The following PRKCH variants were observed in gnomAD, a reference collection of about 807,000 sequenced individuals.
PRKCH encodes the protein protein kinase C eta type.
PRKCH carries 28 observed loss-of-function variants against 82.5 expected under a neutral mutation model. The observed-to-expected ratio is 0.34, with a 90% CI of 0.25 to 0.47. The LOEUF is 0.47. Ranked by LOEUF, PRKCH falls within the 20% of genes least tolerant of loss-of-function variation. The pLI is 1.00. For missense variants in PRKCH, 705 were observed against 881.8 expected, an observed-to-expected ratio of 0.80 and a Z score of 2.54; for synonymous variants, 322 against 327.4, an observed-to-expected ratio of 0.98 and a Z score of 0.18.
chr14:61,435,894 T>C lies in PRKCH; in HGVS notation c.428-7217T>C, dbSNP rs1883656304. On this transcript the variant is annotated intron_variant, in intron 2 of 13. Coordinates refer to ENST00000332981, the MANE Select transcript of PRKCH (RefSeq NM_006255.5). The stretch of plus-strand genomic sequence containing the variant: ...GAGGAGAAAAGCCAGTGAAGGAGAC[T>C]AAGAAAGACGATTATAGAGAGAAGA... Among the ~76,000 whole-genome samples, 4 of 152,162 alleles carry C rather than the reference T, an allele frequency of 2.6e-5. No individual in the cohort carries two copies. In the South Asian group the frequency reaches 8.3e-4, roughly 32 times the overall value.
At chr14:61,505,373 G>GTCTTTTCTTT (rs1171315407) in intron 10 of PRKCH, among the ~76,000 whole-genome samples, 10 of 104,270 alleles carry the variant, frequency 9.6e-5, no homozygotes, top group East Asian at 3.2e-4. Flanking sequence ...TCTAGGATTT[G>GTCTTTTCTTT]TCTTTTCTTT....
intron 10 of PRKCH, among the ~76,000 whole-genome samples, chr14:61,494,296 G>T (rs1886572805): frequency 6.6e-6 from 1 of 152,176 alleles, no homozygotes; most frequent in Admixed American, 6.5e-5. Flanking sequence ...GCCTAAATTT[G>T]GCTCCAGGGT....
At chr14:61,540,385 T>G (rs2043167791) in intron 12 of PRKCH, among the ~76,000 whole-genome samples, 1 of 152,202 alleles carries the variant, frequency 6.6e-6, no homozygotes, top group Non-Finnish European at 1.5e-5. Flanking sequence ...TCGGTCCAAG[T>G]ATCTTAACCC....
At chr14:61,464,068 T>C (rs1885148445) in intron 9 of PRKCH, among the ~76,000 whole-genome samples, 1 of 152,246 alleles carries the variant, frequency 6.6e-6, no homozygotes, top group African/African-American at 2.4e-5. Context: ...GATTTCATTT[T>C]CTTTGGATGT....
intron 2 of PRKCH, among the ~76,000 whole-genome samples, chr14:61,424,158 C>G (rs1882995677): frequency 6.6e-6 from 1 of 152,172 alleles, no homozygotes; most frequent in African/African-American, 2.4e-5. Context: ...TCAATTAAAC[C>G]TCTTTTCTTT....
At chr14:61,344,898 A>G (rs977309535) in intron 1 of PRKCH, among the ~76,000 whole-genome samples, 1 of 151,698 alleles carries the variant, frequency 6.6e-6, no homozygotes, top group Non-Finnish European at 1.5e-5. Context: ...GCCACCCTGA[A>G]CCCCCCAGTT....
At chr14:61,420,484 T>A (rs11848272) in intron 2 of PRKCH, among the ~76,000 whole-genome samples, 88,037 of 152,034 alleles carry the variant, frequency 0.58, 28,273 homozygotes, top group Non-Finnish European at 0.73. Context: ...GGGAATTTGC[T>A]GCCAGAGGGT....
Position 61,310,644 on chromosome 14 carries a change from A to T in PRKCH, c.-19+122976A>T, listed in dbSNP as rs192529613. 1.8e-3 allele frequency among the ~76,000 whole-genome samples: 268 copies of T among 152,272 alleles called. 1 individual carries two copies. The highest frequency in any genetic ancestry group is 2.8e-3 in the Non-Finnish European group (192 of 68,022). ...GGCACCTGATGCAAGCTGTAGGTAG[A>T]TCTACCATTCTGGGGTCTGGAGGAT... On this transcript the variant is annotated intron_variant, in intron 1 of 3. Transcript: ENST00000555185.
intron 1 of PRKCH, among the ~76,000 whole-genome samples, chr14:61,260,578 C>A (rs1455636246): frequency 6.6e-6 from 1 of 152,288 alleles, no homozygotes; most frequent in African/African-American, 2.4e-5. Context: ...AGCCATTAAA[C>A]TTTCAGTTGG....
chr14:61,190,972 G>A (rs1407245200), intron 1 of PRKCH, among the ~76,000 whole-genome samples: 1 of 152,090 alleles, frequency 6.6e-6, no homozygotes, highest in East Asian at 1.9e-4. Flanking sequence ...TAAACAACCA[G>A]CTCAAGCCAA....
intron 2 of PRKCH, among the ~76,000 whole-genome samples, chr14:61,430,101 A>G (rs1346284522): frequency 1.3e-5 from 2 of 152,220 alleles, no homozygotes; most frequent in African/African-American, 4.8e-5. Context: ...GTGTCCCCCT[A>G]AATAAAGTCA....
chr14:61,445,855 C>A, intron 4 of PRKCH, 129 bp downstream of exon 4: 1 of 941,194 alleles, frequency 1.1e-6, no homozygotes, highest in Non-Finnish European at 1.7e-6. Flanking sequence ...AAAGGAAACC[C>A]CTGTGTAGAT....
intron 1 of PRKCH, among the ~76,000 whole-genome samples, chr14:61,264,640 A>T (rs2045080768): frequency 6.6e-6 from 1 of 152,216 alleles, no homozygotes; most frequent in Non-Finnish European, 1.5e-5. Flanking sequence ...AGTTGAAAGC[A>T]CATAGAGATT....
intron 10 of PRKCH, among the ~76,000 whole-genome samples, chr14:61,526,857 AC>A (rs1276388636): frequency 1.3e-5 from 2 of 152,222 alleles, no homozygotes; most frequent in Non-Finnish European, 2.9e-5. Context: ...GCTCCAGGCC[AC>A]CTAGCATCCC....
chr14:61,398,216 T>C (rs924859207), intron 2 of PRKCH, among the ~76,000 whole-genome samples: 5 of 152,256 alleles, frequency 3.3e-5, no homozygotes, highest in African/African-American at 9.6e-5. Context: ...GGATTTTTAA[T>C]GCAGCCTTCA....
chr14:61,261,782 G>A (rs2045046907), intron 1 of PRKCH, among the ~76,000 whole-genome samples: 1 of 151,956 alleles, frequency 6.6e-6, no homozygotes, highest in Non-Finnish European at 1.5e-5. Flanking sequence ...ACAGATTTAA[G>A]GATTTGGAAT....
At chr14:61,189,289 G>T (rs914448996) in intron 1 of PRKCH, among the ~76,000 whole-genome samples, 1 of 152,320 alleles carries the variant, frequency 6.6e-6, no homozygotes, top group Admixed American at 6.5e-5. Flanking sequence ...GTCACTGTTT[G>T]TTAAGAAAAC....
intron 1 of PRKCH, among the ~76,000 whole-genome samples, chr14:61,328,543 T>C (rs916549827): frequency 1.3e-5 from 2 of 152,168 alleles, no homozygotes; most frequent in African/African-American, 2.4e-5. Flanking sequence ...TTTTATCTTA[T>C]GCAACTCTTA....
intron 10 of PRKCH, among the ~76,000 whole-genome samples, chr14:61,490,080 G>A (rs1363230520): frequency 6.6e-6 from 1 of 152,192 alleles, no homozygotes; most frequent in Non-Finnish European, 1.5e-5. Flanking sequence ...CGACTCATGA[G>A]TCTGACTGCT....
Sources: allele counts gnomAD v4.1 joint callset (sites outside exome capture counted in the v4.1 genomes callset), GRCh38; gene constraint gnomAD v4.1.1; transcripts MANE v1.5; gene names NCBI Gene and HGNC (gene_info 2026-07-23, HGNC 2026-07-21).